Variants in PPP1R1B observed in about 807,000 individuals in gnomAD.
The protein encoded by PPP1R1B is protein phosphatase 1 regulatory subunit 1B.
A neutral mutation model predicts 28.2 loss-of-function variants in PPP1R1B; 13 were observed. The observed-to-expected ratio is 0.46, with a 90% confidence interval of 0.30 to 0.73. The LOEUF is 0.73. Ranked by LOEUF, PPP1R1B falls within the 30% of genes least tolerant of loss-of-function variation. PPP1R1B has a pLI of 0.07. For synonymous variants in PPP1R1B, 102 were observed against 97.5 expected, an observed-to-expected ratio of 1.05 and a Z score of -0.27; for missense variants, 236 against 256.7, an observed-to-expected ratio of 0.92 and a Z score of 0.55.
At chr17:39,633,394 AG>A (rs2056892867) in intron 4 of PPP1R1B, 1 of 176,354 alleles carries the variant, frequency 5.7e-6, no homozygotes, top group Non-Finnish European at 1.2e-5. Context: ...ATCGCATGGG[AG>A]GTAGGATCAG....
intron 4 of PPP1R1B, among the ~76,000 whole-genome samples, chr17:39,630,840 C>A (rs1303393033): frequency 6.6e-6 from 1 of 152,172 alleles, no homozygotes; most frequent in African/African-American, 2.4e-5. Flanking sequence ...GAGGCCGAGG[C>A]GGGCAGATCA....
Position 39,635,707 on chromosome 17 carries a change from G to A in PPP1R1B, c.546G>A (p.Val182=). 1 of 1,614,132 alleles carries A rather than the reference G, an allele frequency of 6.2e-7. No individual in the cohort carries two copies. The highest frequency in any genetic ancestry group is 8.5e-7 in the Non-Finnish European group (1 of 1,180,014). The change falls in exon 6 of 7, where the codon GTG becomes GTA. Residue 182 remains valine, a synonymous_variant. Transcript: ENST00000254079. ...GAGATGGAGGCTCTGAGGACCAAGTGGAAGACCCAGCACTAAGTGGTAAGG... is the reference window on the plus strand; with the variant it reads ...GAGATGGAGGCTCTGAGGACCAAGTAGAAGACCCAGCACTAAGTGGTAAGG... ...SERDGGSEDQ[V]EDPALSEPGE...
In PPP1R1B at chr17:39,630,060, C is replaced by T. The variant is rs1197606100; in HGVS notation, c.241+13C>T. On this transcript the variant is annotated intron_variant, in intron 4 of 6. Coordinates refer to ENST00000254079, the MANE Select transcript of PPP1R1B (RefSeq NM_032192.4). The stretch of plus-strand genomic sequence containing the variant: ...CCTTCGCTGAAAGGTACTATACCCC[C>T]ACCGACCTTCCTGGCTGTCCGCCTG... 1 of 1,613,428 alleles carries T rather than the reference C, an allele frequency of 6.2e-7. No individual in the cohort carries two copies. The highest frequency in any genetic ancestry group is 8.5e-7 in the Non-Finnish European group (1 of 1,179,404).
In PPP1R1B at chr17:39,635,743, T is replaced by C; in HGVS notation, c.565+17T>C. The C allele has an allele frequency of 6.2e-7, 1 of 1,611,882 alleles. No individual in the cohort carries two copies. The highest frequency in any genetic ancestry group is 8.5e-7 in the Non-Finnish European group (1 of 1,178,524). ...CACTAAGTGGTAAGGCTTGGGAGTGTGAAATGGGGAGGAGGGGCTGGGATC... is the reference window on the plus strand; with the variant it reads ...CACTAAGTGGTAAGGCTTGGGAGTGCGAAATGGGGAGGAGGGGCTGGGATC... On this transcript the variant is annotated intron_variant, in intron 6 of 6. Coordinates refer to ENST00000254079, the MANE Select transcript of PPP1R1B (RefSeq NM_032192.4).
At chr17:39,628,573 C>G (rs2056853161) in intron 1 of PPP1R1B, 1 of 985,992 alleles carries the variant, frequency 1.0e-6, no homozygotes. Context: ...AAACCAAGGC[C>G]CCCAGAGAGG....
chr17:39,630,156 C>T (rs894336828), intron 4 of PPP1R1B, 109 bp downstream of exon 4: 16 of 1,061,410 alleles, frequency 1.5e-5, no homozygotes, highest in Middle Eastern at 2.0e-4. Context: ...ACACATAGCC[C>T]GCTGTCAGCG....
intron 2 of PPP1R1B, 62 bp downstream of exon 2, chr17:39,629,292 C>G: frequency 6.5e-7 from 1 of 1,532,820 alleles, no homozygotes; most frequent in Non-Finnish European, 9.0e-7. Context: ...TTCCTAGGGG[C>G]CCTGCCAAAG....
rs1423504645 is a variant in PPP1R1B at position 39,633,878 on chromosome 17, G to A, written c.242-5G>A. 1 of 1,613,368 alleles carries A rather than the reference G, an allele frequency of 6.2e-7. No individual in the cohort carries two copies. The highest frequency in any genetic ancestry group is 8.5e-7 in the Non-Finnish European group (1 of 1,179,724). On this transcript the variant is annotated splice_polypyrimidine_tract_variant and splice_region_variant and intron_variant, in intron 4 of 6. Transcript: ENST00000254079. ...CCTTGCTTTCCTCGGTCTCCTCTGT[G>A]CCAGCTGTGCAGCGCATTGCTGAGT...
At position 39,634,018 on chromosome 17, in the gene PPP1R1B, A is replaced by G. The variant is rs774173341; in HGVS notation, c.377A>G (p.Glu126Gly). The G allele has an allele frequency of 3.1e-6, 5 of 1,613,906 alleles. No individual in the cohort carries two copies. In the Admixed American group the frequency reaches 5.0e-5, roughly 16 times the overall value. Residue 126 changes from glutamate to glycine, a missense_variant, in exon 5 of 7, where the codon GAG (glutamate) becomes GGG (glycine). Coordinates refer to ENST00000254079, the MANE Select transcript of PPP1R1B (RefSeq NM_032192.4). ...AGAGAGGAAGATGAGGAGGAAGAGG[A>G]GGATGATGAAGAAGAGGAAGAAGAA... is the stretch of plus-strand genomic sequence containing the variant. ...YPREEDEEEE[E>G]DDEEEEEEED...
intron 2 of PPP1R1B, 25 bp downstream of exon 2, chr17:39,629,255 C>A: frequency 1.2e-6 from 2 of 1,609,238 alleles, no homozygotes; most frequent in Non-Finnish European, 1.7e-6. Context: ...GCCCACTTAG[C>A]CCTGGCCCCA....
chr17:39,633,483 G>A (rs949217204), intron 4 of PPP1R1B: 3 of 201,104 alleles, frequency 1.5e-5, no homozygotes, highest in African/African-American at 2.3e-5. Context: ...TGGTTCCTAC[G>A]CCCTGTGCCT....
intron 5 of PPP1R1B, 79 bp downstream of exon 5, chr17:39,634,165 T>C: frequency 6.4e-7 from 1 of 1,569,476 alleles, no homozygotes; most frequent in South Asian, 1.1e-5. Context: ...TCTAGTTCAG[T>C]GTCTCATACA....
intron 2 of PPP1R1B, 112 bp downstream of exon 2, chr17:39,629,342 A>G (rs2056858883): frequency 3.7e-6 from 5 of 1,338,162 alleles, no homozygotes; most frequent in Non-Finnish European, 5.3e-6. Context: ...TGGGGAGTGG[A>G]TAAGGTCTGG....
At chr17:39,630,757 T>G (rs936358833) in intron 4 of PPP1R1B, among the ~76,000 whole-genome samples, 7 of 152,044 alleles carry the variant, frequency 4.6e-5, no homozygotes, top group African/African-American at 1.7e-4. Context: ...GACCCCCATC[T>G]CTATGAAAAA....
At chr17:39,634,148 G>T in intron 5 of PPP1R1B, 62 bp downstream of exon 5, 1 of 1,593,434 alleles carries the variant, frequency 6.3e-7, no homozygotes. Context: ...ATACGAGGAC[G>T]TCCCCTTCTA....
At chr17:39,627,798 A>G (rs936389740) in intron 1 of PPP1R1B, among the ~76,000 whole-genome samples, 1 of 151,618 alleles carries the variant, frequency 6.6e-6, no homozygotes, top group Non-Finnish European at 1.5e-5. Flanking sequence ...ACAGTCCCCA[A>G]AGGGTAGTCA....
chr17:39,631,510 C>T (rs2056877451), intron 4 of PPP1R1B, among the ~76,000 whole-genome samples: 1 of 152,218 alleles, frequency 6.6e-6, no homozygotes, highest in African/African-American at 2.4e-5. Context: ...AACCCCCCAC[C>T]TCAACTCCTG....
chr17:39,627,533 C>A (rs753291734), intron 1 of PPP1R1B, 60 bp downstream of exon 1: 2 of 1,149,232 alleles, frequency 1.7e-6, no homozygotes, highest in Non-Finnish European at 2.4e-6. Context: ...GGCTTCTTCG[C>A]CCTCCCAAGG....
rs527784751 is a variant in PPP1R1B at position 39,627,731 on chromosome 17, G to A, written c.81+258G>A. On this transcript the variant is annotated intron_variant, in intron 1 of 6. Coordinates refer to ENST00000254079, the MANE Select transcript of PPP1R1B (RefSeq NM_032192.4). ...TGAGGCTGGGGGTGCGGGGGTGGGG[G>A]GACAGGCCGATTCCAGACCGCCCAG... Among the ~76,000 whole-genome samples, 82 of 151,878 alleles carry A rather than the reference G, an allele frequency of 5.4e-4. 1 individual carries two copies. In the South Asian group the frequency reaches 0.017, roughly 31 times the overall value.
Sources: allele counts gnomAD v4.1 joint callset (sites outside exome capture counted in the v4.1 genomes callset), GRCh38; gene constraint gnomAD v4.1.1; transcripts MANE v1.5; gene names NCBI Gene and HGNC (gene_info 2026-07-23, HGNC 2026-07-21).